Variants in SPATA21 observed in about 807,000 individuals in gnomAD.
SPATA21 encodes the protein spermatogenesis associated 21.
Under a neutral mutation model 54.8 loss-of-function variants are expected in SPATA21, and 47 were observed. The observed-to-expected ratio is 0.86, with a 90% CI of 0.68 to 1.09. The LOEUF (loss-of-function observed/expected upper bound fraction) is 1.09, where lower values mean the gene tolerates loss of function less well. Ranked by LOEUF, SPATA21 falls within the 50% of genes least tolerant of loss-of-function variation. SPATA21 has a pLI of 0.00. For missense variants in SPATA21, 599 were observed against 596.4 expected, an observed-to-expected ratio of 1.00 and a Z score of -0.05; for synonymous variants, 245 against 235.3, an observed-to-expected ratio of 1.04 and a Z score of -0.38.
At chr1:16,414,461 A>G (rs2085941310) in intron 5 of SPATA21, among the ~76,000 whole-genome samples, 1 of 152,182 alleles carries the variant, frequency 6.6e-6, no homozygotes. Flanking sequence ...CAGTTTCACA[A>G]CTGTTTTTGG....
chr1:16,421,781 C>A lies in SPATA21; in HGVS notation c.95+130G>T. The A allele has an allele frequency of 7.2e-7, 1 of 1,397,374 alleles. No homozygotes were observed. Among genetic ancestry groups the A allele is most frequent in the South Asian group, 1.2e-5 (1 of 80,674 alleles). The allele number at this position is 1,397,374 out of a possible 1,614,324, so 86.6% of individuals were successfully genotyped here. On this transcript the variant is annotated intron_variant, in intron 4 of 12. Transcript: ENST00000335496. This position sits in a 1 kb window ranked among gnomAD's most constrained non-coding sequence, Gnocchi z 5.2. ...TTACACAGATGGGGAAATTGAGACC[C>A]AGCGGAGCATGACTTGCCCAAGGTC...
At chr1:16,422,093 C>T in intron 3 of SPATA21, 122 bp from the exon 4 acceptor site, 1 of 1,565,876 alleles carries the variant, frequency 6.4e-7, no homozygotes, top group South Asian at 1.2e-5. Flanking sequence ...CCTTGGGGTG[C>T]TTGCCTCCCA....
At chr1:16,408,825 G>A (rs576355920) in intron 7 of SPATA21, 3 of 245,674 alleles carry the variant, frequency 1.2e-5, no homozygotes, top group East Asian at 1.0e-4. Context: ...AGCTGAGATC[G>A]CACCACTGCA....
intron 5 of SPATA21, among the ~76,000 whole-genome samples, chr1:16,420,360 G>A (rs142382466): frequency 2.3e-3 from 348 of 151,978 alleles, no homozygotes; most frequent in African/African-American, 7.9e-3. Context: ...AGGGGAGCAA[G>A]GAAAGACGGC....
intron 5 of SPATA21, among the ~76,000 whole-genome samples, chr1:16,420,846 TG>T (rs973678252): frequency 4.0e-5 from 6 of 151,884 alleles, no homozygotes; most frequent in Non-Finnish European, 8.8e-5. Context: ...GAGGGCGGTG[TG>T]GCCAAGGAAA....
intron 5 of SPATA21, among the ~76,000 whole-genome samples, chr1:16,416,737 G>A (rs1355013277): frequency 6.6e-6 from 1 of 152,016 alleles, no homozygotes; most frequent in African/African-American, 2.4e-5. Flanking sequence ...GGGAGGGACT[G>A]GCTGGAACAC....
In SPATA21 at chr1:16,437,206, G is replaced by A. The variant is rs1006301061; in HGVS notation, c.-265C>T. ...TGCACATAGGATGGGCTCTGTCTGA[G>A]CCTATACTTTGCCTGTTGGCTTGAA... On this transcript the variant is annotated 5_prime_UTR_variant, in exon 1 of 13. Transcript: ENST00000335496. The A allele has an allele frequency of 1.3e-5, 2 of 152,238 alleles. No individual in the cohort carries two copies. Among genetic ancestry groups the A allele is most frequent in the African/African-American group, 4.8e-5 (2 of 41,452 alleles). 9.4% of individuals were successfully genotyped at this position (152,238 alleles called of 1,614,324 possible).
chr1:16,435,237 C>T (rs2086556322), intron 1 of SPATA21, among the ~76,000 whole-genome samples: 1 of 152,124 alleles, frequency 6.6e-6, no homozygotes, highest in African/African-American at 2.4e-5. Context: ...TGCATTTCCC[C>T]AATGGCCGAT....
chr1:16,433,407 G>A (rs1400108534), intron 1 of SPATA21, among the ~76,000 whole-genome samples: 1 of 152,228 alleles, frequency 6.6e-6, no homozygotes, highest in Non-Finnish European at 1.5e-5. Context: ...CTGTGGCCAA[G>A]TCCTTCTCTC....
At position 16,432,774 on chromosome 1, in the gene SPATA21, A is replaced by G. The variant is rs970313377; in HGVS notation, c.-52+16T>C. 6.6e-6 allele frequency: 1 copy of G among 152,264 alleles called. No individual in the cohort carries two copies. Among genetic ancestry groups the G allele is most frequent in the African/African-American group, 2.4e-5 (1 of 41,424 alleles). The allele number at this position is 152,264 out of a possible 1,614,324, so 9.4% of individuals were successfully genotyped here. On this transcript the variant is annotated intron_variant, in intron 2 of 12. Transcript: ENST00000335496. ...TAACCCCCATGCCCCTTCCTCCTGT[A>G]GTGAGACCATATGACCTTGAAGATC...
Position 16,421,300 on chromosome 1 carries a change from C to T in SPATA21, c.144+209G>A, listed in dbSNP as rs2086163307. On this transcript the variant is annotated intron_variant, in intron 5 of 12. Coordinates refer to ENST00000335496, the MANE Select transcript of SPATA21 (RefSeq NM_198546.1). The surrounding 1 kb of genome is among the most constrained non-coding windows in gnomAD (Gnocchi z 5.2). ...GCATTCTTGATGCCCACCCAGAATA[C>T]ACACACATGCATACACACAGGCACA... Among the ~76,000 whole-genome samples the T allele has an allele frequency of 6.6e-6, 1 of 151,974 alleles. No homozygotes were observed. The highest frequency in any genetic ancestry group is 2.4e-5 in the African/African-American group (1 of 41,260).
intron 5 of SPATA21, among the ~76,000 whole-genome samples, chr1:16,412,704 C>T (rs1361673411): frequency 6.6e-6 from 1 of 152,182 alleles, no homozygotes; most frequent in Non-Finnish European, 1.5e-5. Context: ...CTCAGGTGAT[C>T]TGCCTGCCTC....
intron 7 of SPATA21, among the ~76,000 whole-genome samples, 184 bp from the exon 8 acceptor site, chr1:16,405,288 G>A (rs530712213): frequency 3.9e-5 from 6 of 152,112 alleles, no homozygotes; most frequent in African/African-American, 1.2e-4. Flanking sequence ...GATCACCTGA[G>A]GCCAGGAGTT....
chr1:16,435,961 C>T (rs1244642824), intron 1 of SPATA21, among the ~76,000 whole-genome samples: 1 of 152,126 alleles, frequency 6.6e-6, no homozygotes, highest in African/African-American at 2.4e-5. Context: ...TTGTAAAAGT[C>T]CCATTTATCG....
At chr1:16,398,371 T>A (rs2085347798), downstream of SPATA21, among the ~76,000 whole-genome samples, 2 of 152,070 alleles carry the variant, frequency 1.3e-5, no homozygotes, top group African/African-American at 4.8e-5. Context: ...AGAGGCCACC[T>A]CCTGCTCTTC....
At position 16,409,712 on chromosome 1, in the gene SPATA21, G is replaced by T. The variant is rs2085771301; in HGVS notation, c.476C>A (p.Pro159His). Residue 159 changes from proline to histidine, a missense_variant, in exon 6 of 13, where the codon CCC (proline) becomes CAC (histidine). Coordinates refer to ENST00000335496, the MANE Select transcript of SPATA21 (RefSeq NM_198546.1). This position sits in a 1 kb window ranked among gnomAD's most constrained non-coding sequence, Gnocchi z 4.1. ...CAGGACAGGGCAAGGCATGGAGGTG[G>T]GGACCGGGGCTCCCATGGGGGCAGG... ...PEPAPMGAPV[P>H]TSMPCPVLLG... 6.2e-7 allele frequency: 1 copy of T among 1,612,584 alleles called. No homozygotes were observed. The highest frequency in any genetic ancestry group is 1.3e-5 in the African/African-American group (1 of 74,932).
At chr1:16,425,208 G>A (rs764504813) in intron 3 of SPATA21, 2 of 518,030 alleles carry the variant, frequency 3.9e-6, no homozygotes, top group African/African-American at 1.9e-5. Context: ...CACCATGCCC[G>A]GCCTGGAAAC....
At chr1:16,434,129 C>T (rs191745232) in intron 1 of SPATA21, among the ~76,000 whole-genome samples, 187 of 152,278 alleles carry the variant, frequency 1.2e-3, no homozygotes, top group African/African-American at 4.2e-3. Flanking sequence ...TGAGTAGCTT[C>T]TTTCACTTAA....
chr1:16,433,103 G>A (rs1457123934), intron 1 of SPATA21, among the ~76,000 whole-genome samples, 179 bp from the exon 2 acceptor site: 2 of 152,174 alleles, frequency 1.3e-5, no homozygotes, highest in South Asian at 2.1e-4. Flanking sequence ...TTGTGCAATC[G>A]ATAACTGTTT....
Sources: allele counts gnomAD v4.1 joint callset (sites outside exome capture counted in the v4.1 genomes callset), GRCh38; gene constraint gnomAD v4.1.1; non-coding constraint Gnocchi (gnomAD v3.1); transcripts MANE v1.5; gene names NCBI Gene and HGNC (gene_info 2026-07-23, HGNC 2026-07-21).